Variants in HMX1 observed in about 807,000 individuals in gnomAD.
HMX1 encodes the protein H6 family homeobox 1.
A neutral mutation model predicts 8.9 loss-of-function variants in HMX1; 8 were observed. The observed-to-expected ratio is 0.90, with a 90% CI of 0.53 to 1.63. HMX1 has a LOEUF of 1.63. Among genes scored for constraint, HMX1 ranks in the 40% most tolerant of loss-of-function variants. HMX1 has a pLI of 0.00. For missense variants in HMX1, 621 were observed against 558.5 expected (o/e 1.11, Z -1.13); for synonymous variants, 311 against 283.4 (o/e 1.10, Z -0.98).
chr4:8,856,489 G>C (rs945854327), intron 1 of HMX1, among the ~76,000 whole-genome samples: 15 of 152,104 alleles, frequency 9.9e-5, no homozygotes, highest in Admixed American at 9.8e-4. Context: ...GCCGGGCAGG[G>C]GAAGGGGAGG....
At position 8,867,490 on chromosome 4, in the gene HMX1, G is replaced by T; in HGVS notation, c.*203C>A. The T allele has an allele frequency of 1.7e-6, 2 of 1,164,566 alleles. No individual in the cohort carries two copies. Among genetic ancestry groups the T allele is most frequent in the African/African-American group, 1.6e-5 (1 of 62,146 alleles). The allele number at this position is 1,164,566 out of a possible 1,614,324, so 72.1% of individuals were successfully genotyped here. On this transcript the variant is annotated 3_prime_UTR_variant, in exon 2 of 2. Transcript: ENST00000400677. Reference sequence around the variant, plus strand: ...CGAGTGGGGATCCAGCCTGGCAAATGGGTGGGGCGTCCCATTACATTCTAG... The same window carrying T: ...CGAGTGGGGATCCAGCCTGGCAAATTGGTGGGGCGTCCCATTACATTCTAG...
chr4:8,864,823 C>T (rs924016458), downstream of HMX1, among the ~76,000 whole-genome samples: 10 of 152,238 alleles, frequency 6.6e-5, no homozygotes, highest in Non-Finnish European at 1.0e-4. Context: ...CCTCCTCCCA[C>T]GCCGGCTCCC....
At chr4:8,858,922 T>TGG (rs1204709447) in intron 1 of HMX1, 29 of 152,278 alleles carry the variant, frequency 1.9e-4, no homozygotes, top group Admixed American at 5.2e-4. Flanking sequence ...GTGGTGGTGG[T>TGG]GGTGGGGGGT....
At position 8,871,487 on chromosome 4, in the gene HMX1, TC is replaced by T; in HGVS notation, c.127del (p.Glu43ArgfsTer182). On this transcript the variant is annotated frameshift_variant, in exon 1 of 2. Coordinates refer to ENST00000400677, the MANE Select transcript of HMX1 (RefSeq NM_018942.3). LOFTEE classifies it high-confidence loss of function. This position sits in a 1 kb window ranked among gnomAD's most constrained non-coding sequence, Gnocchi z 4.8. Reference sequence around the variant, plus strand: ...GTCGTCGTCGTCCTCCTCCTCGTCCTCCCGGCTGCCGTCGCCCTGGGTCGCG... The same window carrying T: ...GTCGTCGTCGTCCTCCTCCTCGTCCTCCGGCTGCCGTCGCCCTGGGTCGCG... Reference protein sequence around the residue: ...GRATQGDGSREDEEEDDDDPE... With the variant: ...GRATQGDGSRXDEEEDDDDPE... The T allele has an allele frequency of 7.5e-7, 1 of 1,340,008 alleles. No homozygotes were observed. Among genetic ancestry groups the T allele is most frequent in the Non-Finnish European group, 9.6e-7 (1 of 1,041,930 alleles). The allele number at this position is 1,340,008 out of a possible 1,614,324, so 83.0% of individuals were successfully genotyped here. A position where few individuals can be genotyped will look rare whatever the true frequency, so the allele number is the denominator to read the frequency against.
intron 1 of HMX1, among the ~76,000 whole-genome samples, chr4:8,869,358 C>T (rs1423821652): frequency 3.3e-5 from 5 of 152,234 alleles, no homozygotes; most frequent in African/African-American, 9.6e-5. Context: ...GAGGCTGACT[C>T]GGACCCGCTG....
chr4:8,859,296 A>G (rs1421611746), intron 1 of HMX1, among the ~76,000 whole-genome samples: 1 of 152,104 alleles, frequency 6.6e-6, no homozygotes, highest in South Asian at 2.1e-4. Flanking sequence ...GCAAACTCAT[A>G]ATGTCAGCAC....
At chr4:8,854,728 C>T (rs979973061) in intron 1 of HMX1, among the ~76,000 whole-genome samples, 1 of 152,234 alleles carries the variant, frequency 6.6e-6, no homozygotes, top group Non-Finnish European at 1.5e-5. Flanking sequence ...TATTGATTCT[C>T]TTTCTTTGGA....
chr4:8,848,450 T>A lies in HMX1; in HGVS notation c.395-2126A>T, dbSNP rs1721340513. Among the ~76,000 whole-genome samples the A allele has an allele frequency of 6.6e-6, 1 of 152,226 alleles. No homozygotes were observed. Among genetic ancestry groups the A allele is most frequent in the Non-Finnish European group, 1.5e-5 (1 of 68,040 alleles). On this transcript the variant is annotated intron_variant, in intron 1 of 1. Transcript: ENST00000506970. This position sits in a 1 kb window ranked among gnomAD's most constrained non-coding sequence, Gnocchi z 4.1. Reference sequence around the variant, plus strand: ...AAATAAAGAGTTTGCGGAAATTTTATGATTGTTTTTTACTCATCTAGGCAG... The same window carrying A: ...AAATAAAGAGTTTGCGGAAATTTTAAGATTGTTTTTTACTCATCTAGGCAG...
chr4:8,859,310 C>T (rs1201676507), intron 1 of HMX1, among the ~76,000 whole-genome samples: 1 of 152,130 alleles, frequency 6.6e-6, no homozygotes, highest in Non-Finnish European at 1.5e-5. Flanking sequence ...TCAGCACCAT[C>T]CCGTTAGCAC....
rs1721319191 is a variant in HMX1, at chr4:8,847,693, G to T, written c.395-1369C>A. On this transcript the variant is annotated intron_variant, in intron 1 of 1. Coordinates refer to the HMX1 transcript ENST00000506970. The surrounding 1 kb of genome is among the most constrained non-coding windows in gnomAD (Gnocchi z 6.0). ...AGCAGTGCCCAGATTTGAACCTGGAGCTGTGGTCTTTCCAGTATATGAGGC... is the reference window on the plus strand; with the variant it reads ...AGCAGTGCCCAGATTTGAACCTGGATCTGTGGTCTTTCCAGTATATGAGGC... 6.6e-6 allele frequency among the ~76,000 whole-genome samples: 1 copy of T among 152,232 alleles called. No individual in the cohort carries two copies. The highest frequency in any genetic ancestry group is 6.5e-5 in the Admixed American group (1 of 15,290).
intron 1 of HMX1, among the ~76,000 whole-genome samples, chr4:8,854,321 C>A (rs1044874552): frequency 6.6e-6 from 1 of 152,252 alleles, no homozygotes; most frequent in African/African-American, 2.4e-5. Flanking sequence ...CGGGGAGAAC[C>A]CTGAATGGGA....
In HMX1 at chr4:8,870,252, G is replaced by C. The variant is rs936624152; in HGVS notation, c.394+969C>G. ...TGGGGGGCTGGCTAAGCCAGGGCTT[G>C]GGGGGTTGGACTGGCTTTCCTGGCC... On this transcript the variant is annotated intron_variant, in intron 1 of 1. Transcript: ENST00000400677. This position sits in a 1 kb window ranked among gnomAD's most constrained non-coding sequence, Gnocchi z 4.4. Among the ~76,000 whole-genome samples the C allele has an allele frequency of 6.6e-6, 1 of 152,124 alleles. No homozygotes were observed. The highest frequency in any genetic ancestry group is 1.9e-4 in the East Asian group (1 of 5,170).
In HMX1 at chr4:8,868,430, G is replaced by A. The variant is rs534885820; in HGVS notation, c.395-85C>T. 3 of 1,076,346 alleles carry A rather than the reference G, an allele frequency of 2.8e-6. No individual in the cohort carries two copies. The African/African-American group carries it at 5.0e-5, about 18-fold the overall frequency. 66.7% of individuals were successfully genotyped at this position (1,076,346 alleles called of 1,614,324 possible). Reference sequence around the variant, plus strand: ...CTGAGGCCAGCCGTCCCCACCTTGAGGTCGCTCACAGCCACAAGCAGGAAG... The same window carrying A: ...CTGAGGCCAGCCGTCCCCACCTTGAAGTCGCTCACAGCCACAAGCAGGAAG... On this transcript the variant is annotated intron_variant, in intron 1 of 1. Transcript: ENST00000400677. The surrounding 1 kb of genome is among the most constrained non-coding windows in gnomAD (Gnocchi z 4.6).
chr4:8,866,594 C>A (rs1183788360), downstream of HMX1, among the ~76,000 whole-genome samples: 1 of 152,216 alleles, frequency 6.6e-6, no homozygotes, highest in East Asian at 1.9e-4. Context: ...GACTGCAGGC[C>A]GGGAGGAAGA....
downstream of HMX1, among the ~76,000 whole-genome samples, chr4:8,862,538 A>C (rs1311097502): frequency 6.6e-6 from 1 of 152,176 alleles, no homozygotes; most frequent in African/African-American, 2.4e-5. Flanking sequence ...TTGTTGCCTT[A>C]TTATAAAGCA....
In HMX1 at chr4:8,848,456, T is replaced by C. The variant is rs939246645; in HGVS notation, c.395-2132A>G. ...AGAGTTTGCGGAAATTTTATGATTGTTTTTTACTCATCTAGGCAGAGTACT... is the reference window on the plus strand; with the variant it reads ...AGAGTTTGCGGAAATTTTATGATTGCTTTTTACTCATCTAGGCAGAGTACT... On this transcript the variant is annotated intron_variant, in intron 1 of 1. Transcript: ENST00000506970. This position sits in a 1 kb window ranked among gnomAD's most constrained non-coding sequence, Gnocchi z 4.1. 6.6e-6 allele frequency among the ~76,000 whole-genome samples: 1 copy of C among 152,198 alleles called. No individual in the cohort carries two copies.
rs1216106828 is a variant in HMX1, at chr4:8,871,250, C to T, written c.365G>A (p.Gly122Asp). The change falls in exon 1 of 2, where the codon GGT becomes GAT. Residue 122 changes from glycine to aspartate, a missense_variant. By Grantham distance (94) the Gly-to-Asp change is moderately conservative. Transcript: ENST00000400677. The surrounding 1 kb of genome is among the most constrained non-coding windows in gnomAD (Gnocchi z 4.8). ...AGGACTGAGGCCGCCTCCATAGCCA[C>T]CGTGCGCCCGTGGGTACCAGCGCGC... Reference protein sequence around the residue: ...GAARWYPRAHGGYGGGLSPDT... With the variant: ...GAARWYPRAHDGYGGGLSPDT... 18 of 1,487,494 alleles carry T rather than the reference C, an allele frequency of 1.2e-5. No individual in the cohort carries two copies. The Admixed American group carries it at 3.8e-4, about 31-fold the overall frequency. 92.1% of individuals were successfully genotyped at this position (1,487,494 alleles called of 1,614,324 possible).
chr4:8,858,473 T>A (rs1721686966), intron 1 of HMX1, among the ~76,000 whole-genome samples: 1 of 152,094 alleles, frequency 6.6e-6, no homozygotes, highest in African/African-American at 2.4e-5. Flanking sequence ...CCCCAGGAAC[T>A]AGCCAGAGCC....
At chr4:8,861,164 C>G (rs1231124843) in intron 1 of HMX1, among the ~76,000 whole-genome samples, 1 of 152,178 alleles carries the variant, frequency 6.6e-6, no homozygotes, top group South Asian at 2.1e-4. Context: ...CCCGCGGGTC[C>G]GGGCGCCGCT....
Sources: allele counts gnomAD v4.1 joint callset (sites outside exome capture counted in the v4.1 genomes callset), GRCh38; gene constraint gnomAD v4.1.1; non-coding constraint Gnocchi (gnomAD v3.1); transcripts MANE v1.5; gene names NCBI Gene and HGNC (gene_info 2026-07-23, HGNC 2026-07-21).